SKP1: variants seen among roughly 807,000 people sequenced by gnomAD.
The protein encoded by SKP1 is S-phase kinase associated protein 1.
In SKP1, 1 loss-of-function variant was observed where a neutral mutation model predicts 21.5. That is an observed-to-expected ratio of 0.05 (90% confidence interval 0.02 to 0.22). The LOEUF (loss-of-function observed/expected upper bound fraction) is 0.22. SKP1 is among the 10% of genes least tolerant of loss of function. SKP1 has a pLI of 1.00. For synonymous variants in SKP1, 59 were observed against 59.3 expected (o/e 0.99, Z 0.03); for missense variants, 70 against 192.0 (o/e 0.36, Z 3.76).
chr5:134,156,679 G>T lies in SKP1; in HGVS notation c.*1054C>A, dbSNP rs969316515. Reference sequence around the variant, plus strand: ...CTGGAAACAATGGCAGAGTAATTTTGTGTTAAGAATTAAAGTACTAGCTCC... The same window carrying T: ...CTGGAAACAATGGCAGAGTAATTTTTTGTTAAGAATTAAAGTACTAGCTCC... On this transcript the variant is annotated 3_prime_UTR_variant, in exon 6 of 6. Coordinates refer to ENST00000353411, the MANE Select transcript of SKP1 (RefSeq NM_170679.3). 6.6e-6 allele frequency: 1 copy of T among 152,220 alleles called. No individual in the cohort carries two copies. The highest frequency in any genetic ancestry group is 2.4e-5 in the African/African-American group (1 of 41,452). The allele number at this position is 152,220 out of a possible 1,614,324, so 9.4% of individuals were successfully genotyped here.
intron 3 of SKP1, among the ~76,000 whole-genome samples, chr5:134,165,072 G>A (rs555340719): frequency 7.1e-6 from 1 of 140,122 alleles, no homozygotes; most frequent in East Asian, 2.2e-4. Flanking sequence ...TTTTTTTGAG[G>A]GGGGAGGGTG....
At chr5:134,175,452 T>C (rs1761522239) in intron 1 of SKP1, 2 of 152,184 alleles carry the variant, frequency 1.3e-5, no homozygotes, top group Admixed American at 1.3e-4. Context: ...AAAAGGTATC[T>C]CCAAAAGAAA....
At chr5:134,176,344 A>G (rs375412641) in intron 1 of SKP1, among the ~76,000 whole-genome samples, 11 of 152,256 alleles carry the variant, frequency 7.2e-5, no homozygotes, top group African/African-American at 2.6e-4. Flanking sequence ...CGGTGGAGAA[A>G]GGATGGGAGC....
At chr5:134,158,242 AAACT>A (rs1285037296) in intron 5 of SKP1, 9 of 1,444,096 alleles carry the variant, frequency 6.2e-6, no homozygotes, top group Middle Eastern at 1.9e-4. Flanking sequence ...TTCTCATTGA[AAACT>A]AATTGTTCTT....
chr5:134,153,907 C>T lies in SKP1; in HGVS notation c.*3826G>A, dbSNP rs1761079457. On this transcript the variant is annotated 3_prime_UTR_variant, in exon 6 of 6. Coordinates refer to ENST00000353411, the MANE Select transcript of SKP1 (RefSeq NM_170679.3). ...TCAGCATTACTATGATGTCATGTTA[C>T]AAGGCTGCAGTTACCTGTCCAACCA... 1 of 152,186 alleles carries T rather than the reference C, an allele frequency of 6.6e-6. No homozygotes were observed. The highest frequency in any genetic ancestry group is 1.5e-5 in the Non-Finnish European group (1 of 68,034). The allele number at this position is 152,186 out of a possible 1,614,324, so 9.4% of individuals were successfully genotyped here. A position where few individuals can be genotyped will look rare whatever the true frequency, so the allele number is the denominator to read the frequency against.
At chr5:134,165,275 A>C (rs1043919425) in intron 3 of SKP1, among the ~76,000 whole-genome samples, 3 of 138,678 alleles carry the variant, frequency 2.2e-5, no homozygotes, top group Non-Finnish European at 4.4e-5. Flanking sequence ...ACCATTAGGA[A>C]AACAGAGAAA....
In SKP1 at chr5:134,150,710, C is replaced by T. The variant is rs1580921300; in HGVS notation, c.*7023G>A. The T allele has an allele frequency of 6.6e-6, 1 of 152,156 alleles. No individual in the cohort carries two copies. Among genetic ancestry groups the T allele is most frequent in the Admixed American group, 6.6e-5 (1 of 15,266 alleles). 9.4% of individuals were successfully genotyped at this position (152,156 alleles called of 1,614,324 possible). The stretch of plus-strand genomic sequence containing the variant: ...CCACCCAAGCAGACCCTGGTTGTGT[C>T]AACTCCCCCAATCCCAACTTATTGT... On this transcript the variant is annotated 3_prime_UTR_variant, in exon 6 of 6. Coordinates refer to ENST00000353411, the MANE Select transcript of SKP1 (RefSeq NM_170679.3).
chr5:134,151,994 C>A lies in SKP1; in HGVS notation c.*5739G>T. ...GGTGTCCAAATGGCTCAATCTTGGG[C>A]CAAAGGACATGCTCTGAAATATTTC... On this transcript the variant is annotated 3_prime_UTR_variant, in exon 6 of 6. Transcript: ENST00000353411. 2 of 214,738 alleles carry A rather than the reference C, an allele frequency of 9.3e-6. No individual in the cohort carries two copies. Among genetic ancestry groups the A allele is most frequent in the Non-Finnish European group, 2.0e-5 (2 of 101,916 alleles). 13.3% of individuals were successfully genotyped at this position (214,738 alleles called of 1,614,324 possible). A position where few individuals can be genotyped will look rare whatever the true frequency, so the allele number is the denominator to read the frequency against.
In SKP1 at chr5:134,156,517, A is replaced by G. The variant is rs1453771639; in HGVS notation, c.*1216T>C. On this transcript the variant is annotated 3_prime_UTR_variant, in exon 6 of 6. Transcript: ENST00000353411. ...AACAACTCAGTGAATGTGAAGAGAA[A>G]ACAAGATTACATGTGAATATAGATG... The G allele has an allele frequency of 1.3e-5, 2 of 152,230 alleles. No individual in the cohort carries two copies. The highest frequency in any genetic ancestry group is 2.9e-5 in the Non-Finnish European group (2 of 68,042). The allele number at this position is 152,230 out of a possible 1,614,324, so 9.4% of individuals were successfully genotyped here.
chr5:134,176,180 G>C (rs144598426), intron 1 of SKP1, among the ~76,000 whole-genome samples: 1 of 152,298 alleles, frequency 6.6e-6, no homozygotes, highest in Non-Finnish European at 1.5e-5. Context: ...GCTCCTACAA[G>C]TCACACCACT....
chr5:134,159,782 C>T (rs1761185865), intron 4 of SKP1, among the ~76,000 whole-genome samples: 1 of 151,954 alleles, frequency 6.6e-6, no homozygotes, highest in Non-Finnish European at 1.5e-5. Context: ...TTCCTGACCT[C>T]GTGATCCGCC....
chr5:134,156,985 G>C lies in SKP1; in HGVS notation c.*748C>G, dbSNP rs1761130988. ...TTAAATTATTCTTTACATGCAAGTA[G>C]TGTGAATAATTTTCTCCACATGGGA... On this transcript the variant is annotated 3_prime_UTR_variant, in exon 6 of 6. Transcript: ENST00000353411. The C allele has an allele frequency of 6.6e-6, 1 of 152,606 alleles. No homozygotes were observed. The highest frequency in any genetic ancestry group is 2.4e-5 in the African/African-American group (1 of 41,422). 9.5% of individuals were successfully genotyped at this position (152,606 alleles called of 1,614,324 possible).
chr5:134,167,429 A>C (rs755161316), intron 2 of SKP1, among the ~76,000 whole-genome samples, 186 bp from the exon 3 acceptor site: 1 of 152,206 alleles, frequency 6.6e-6, no homozygotes, highest in Non-Finnish European at 1.5e-5. Flanking sequence ...CTAAACATGT[A>C]GACTTGTTTC....
At chr5:134,173,003 A>T (rs1580623425) in intron 2 of SKP1, among the ~76,000 whole-genome samples, 1 of 132,346 alleles carries the variant, frequency 7.6e-6, no homozygotes, top group African/African-American at 3.0e-5. Flanking sequence ...ACAGAGCAAG[A>T]CTCCGTCTCA....
chr5:134,152,131 T>C lies in SKP1; in HGVS notation c.*5602A>G, dbSNP rs538518339. On this transcript the variant is annotated 3_prime_UTR_variant, in exon 6 of 6. Transcript: ENST00000353411. The stretch of plus-strand genomic sequence containing the variant: ...AAACAAGAAAAAGTCATCAGGACTC[T>C]AACTGTAAAACCCCCAACATTCAAA... 1 of 152,440 alleles carries C rather than the reference T, an allele frequency of 6.6e-6. No individual in the cohort carries two copies. Among genetic ancestry groups the C allele is most frequent in the East Asian group, 1.9e-4 (1 of 5,200 alleles). The allele number at this position is 152,440 out of a possible 1,614,324, so 9.4% of individuals were successfully genotyped here.
chr5:134,159,648 T>C (rs983979822), intron 4 of SKP1, among the ~76,000 whole-genome samples: 2 of 151,912 alleles, frequency 1.3e-5, no homozygotes, highest in Non-Finnish European at 2.9e-5. Context: ...CCCGGGTTCA[T>C]GCCATTCTCC....
At chr5:134,168,364 A>C (rs1761373132) in intron 2 of SKP1, among the ~76,000 whole-genome samples, 1 of 152,242 alleles carries the variant, frequency 6.6e-6, no homozygotes, top group Admixed American at 6.5e-5. Flanking sequence ...AAAAATACTA[A>C]AAATGCGCAC....
intron 2 of SKP1, chr5:134,170,806 G>A (rs1441815379): frequency 3.6e-6 from 1 of 274,364 alleles, no homozygotes; most frequent in Middle Eastern, 5.3e-4. Context: ...TCTTAAAATT[G>A]GCAAATGCTT....
intron 4 of SKP1, among the ~76,000 whole-genome samples, chr5:134,158,802 CT>C (rs966461415): frequency 6.6e-6 from 1 of 152,184 alleles, no homozygotes; most frequent in African/African-American, 2.4e-5. Flanking sequence ...AATCCTTCTG[CT>C]TCCTTAACCA....
Sources: allele counts gnomAD v4.1 joint callset (sites outside exome capture counted in the v4.1 genomes callset), GRCh38; gene constraint gnomAD v4.1.1; transcripts MANE v1.5; gene names NCBI Gene and HGNC (gene_info 2026-07-23, HGNC 2026-07-21).